PTPRT: variants seen among roughly 807,000 people sequenced by gnomAD.
PTPRT encodes the protein protein tyrosine phosphatase receptor type T, also known as receptor-type tyrosine-protein phosphatase T.
A neutral mutation model predicts 176.8 loss-of-function variants in PTPRT; 56 were observed. That is an observed-to-expected ratio of 0.32 (90% CI 0.26 to 0.40). The LOEUF (loss-of-function observed/expected upper bound fraction) is 0.40. PTPRT is among the 10% of genes least tolerant of loss of function. The pLI, the probability that PTPRT is intolerant of heterozygous loss-of-function variation, is 1.00. For missense variants in PTPRT, 1,540 were observed against 1,908.2 expected (o/e 0.81, Z 3.60); for synonymous variants, 783 against 739.0 (o/e 1.06, Z -0.96).
chr20:42,041,966 G>A, the PTPRT span, among the ~76,000 whole-genome samples: 1 of 152,048 alleles, frequency 6.6e-6, no homozygotes, highest in Admixed American at 6.6e-5. Context: ...AAGTATTTGG[G>A]GAGCTTCCTG....
At position 42,416,965 on chromosome 20, in the gene PTPRT, A is replaced by T. The variant is rs1469222373; in HGVS notation, c.1560+31255T>A. On this transcript the variant is annotated intron_variant, in intron 9 of 30. Coordinates refer to ENST00000373187, the MANE Select transcript of PTPRT (RefSeq NM_007050.6). ...TGTGGGTGTTTCTTCTTCCATTTAG[A>T]GTCTTAGAAATGCTATTATAATGGT... 2.0e-5 allele frequency among the ~76,000 whole-genome samples: 3 copies of T among 152,138 alleles called. No individual in the cohort carries two copies. In the South Asian group the frequency reaches 6.2e-4, roughly 32 times the overall value.
intron 11 of PTPRT, among the ~76,000 whole-genome samples, chr20:42,336,292 A>G (rs2058038737): frequency 6.6e-6 from 1 of 152,230 alleles, no homozygotes; most frequent in Non-Finnish European, 1.5e-5. Flanking sequence ...ACAAGTTACC[A>G]TCTATCATAG....
intron 9 of PTPRT, among the ~76,000 whole-genome samples, chr20:42,363,445 G>T (rs2058469163): frequency 6.7e-6 from 1 of 149,350 alleles, no homozygotes; most frequent in Non-Finnish European, 1.5e-5. Context: ...CGAGTAAGTG[G>T]GATTACAGGC....
intron 19 of PTPRT, among the ~76,000 whole-genome samples, chr20:42,126,354 C>G (rs1178132114): frequency 1.3e-5 from 2 of 152,122 alleles, no homozygotes; most frequent in Non-Finnish European, 2.9e-5. Flanking sequence ...AATTTCTGCT[C>G]CCTCCTCCCC....
Position 42,551,467 on chromosome 20 carries a change from T to C in PTPRT, c.1154-78905A>G, listed in dbSNP as rs2072769040. Among the ~76,000 whole-genome samples, 5 of 152,328 alleles carry C rather than the reference T, an allele frequency of 3.3e-5. No individual in the cohort carries two copies. In the South Asian group the frequency reaches 1.0e-3, roughly 32 times the overall value. On this transcript the variant is annotated intron_variant, in intron 7 of 30. Coordinates refer to ENST00000373187, the MANE Select transcript of PTPRT (RefSeq NM_007050.6). ...AGCATAATTGATGCTGCCTACACTA[T>C]TTTCTATAAAAATTTGAAATGGATG...
intron 6 of PTPRT, among the ~76,000 whole-genome samples, chr20:42,717,773 T>C (rs2076247332): frequency 6.6e-6 from 1 of 152,058 alleles, no homozygotes; most frequent in African/African-American, 2.4e-5. Context: ...TCAGATCTAG[T>C]AAATATAAAG....
intron 14 of PTPRT, among the ~76,000 whole-genome samples, chr20:42,237,332 C>A (rs1183640401): frequency 1.3e-5 from 2 of 152,172 alleles, no homozygotes; most frequent in Admixed American, 6.5e-5. Flanking sequence ...GGAGTTCCAA[C>A]CTTCAGTCTG....
rs550078149 is a variant in PTPRT at position 42,284,594 on chromosome 20, A to G, written c.2140-2069T>C. ...TGATATTCATCTGTTAATCAGAATCAGAACTAATTGCTAATATCCTAAACT... is the reference window on the plus strand; with the variant it reads ...TGATATTCATCTGTTAATCAGAATCGGAACTAATTGCTAATATCCTAAACT... On this transcript the variant is annotated intron_variant, in intron 12 of 30. Transcript: ENST00000373187. 3.3e-5 allele frequency among the ~76,000 whole-genome samples: 5 copies of G among 152,214 alleles called. No homozygotes were observed. The East Asian group carries it at 9.6e-4, about 29-fold the overall frequency.
chr20:42,201,950 C>CGTGTGTGTGCGT (rs1555800836), intron 15 of PTPRT, among the ~76,000 whole-genome samples: 3 of 143,116 alleles, frequency 2.1e-5, no homozygotes, highest in Non-Finnish European at 4.6e-5. Context: ...AGAAAAGTTG[C>CGTGTGTGTGCGT]GTGTGTGTGT....
At chr20:42,605,247 T>C (rs1034798165) in intron 7 of PTPRT, among the ~76,000 whole-genome samples, 3 of 152,170 alleles carry the variant, frequency 2.0e-5, no homozygotes, top group African/African-American at 4.8e-5. Flanking sequence ...AGCCACTTTC[T>C]GCTCAGGCCA....
At chr20:43,097,927 C>T (rs1485745798) in intron 1 of PTPRT, among the ~76,000 whole-genome samples, 1 of 152,140 alleles carries the variant, frequency 6.6e-6, no homozygotes, top group Non-Finnish European at 1.5e-5. Context: ...AATATGGATG[C>T]AAGATGCAAG....
intron 1 of PTPRT, among the ~76,000 whole-genome samples, chr20:42,942,288 A>T (rs1204608646): frequency 6.6e-6 from 1 of 152,228 alleles, no homozygotes; most frequent in Non-Finnish European, 1.5e-5. Context: ...GGCAACCAAC[A>T]GGAAAGGTAG....
At chr20:42,522,692 CT>C (rs1265270999) in intron 7 of PTPRT, among the ~76,000 whole-genome samples, 3 of 152,146 alleles carry the variant, frequency 2.0e-5, no homozygotes, top group Non-Finnish European at 4.4e-5. Flanking sequence ...AAACCCTGAC[CT>C]CAAATTATCT....
intron 7 of PTPRT, among the ~76,000 whole-genome samples, chr20:42,487,861 A>G (rs1293839463): frequency 6.6e-6 from 1 of 152,182 alleles, no homozygotes; most frequent in East Asian, 1.9e-4. Flanking sequence ...TTATTTCTGT[A>G]TGTTTATTGA....
At chr20:42,569,047 CAAAAAAAAAAAAAAAAAAA>C (rs869193461) in intron 7 of PTPRT, among the ~76,000 whole-genome samples, 1 of 20,444 alleles carries the variant, frequency 4.9e-5, no homozygotes, top group Non-Finnish European at 8.5e-5. Flanking sequence ...GACTCCATCT[CAAAAAAAAAAAAAAAAAAA>C]AAAAAAAAAA....
intron 8 of PTPRT, among the ~76,000 whole-genome samples, chr20:42,463,431 G>A (rs1412554075): frequency 6.6e-6 from 1 of 151,936 alleles, no homozygotes; most frequent in East Asian, 1.9e-4. Flanking sequence ...CACTAAAATT[G>A]CTAATTTTAA....
intron 1 of PTPRT, among the ~76,000 whole-genome samples, chr20:43,027,777 C>G (rs910950284): frequency 6.6e-6 from 1 of 152,170 alleles, no homozygotes; most frequent in South Asian, 2.1e-4. Flanking sequence ...AATGAATACA[C>G]TACCTACATG....
intron 7 of PTPRT, among the ~76,000 whole-genome samples, chr20:42,645,283 C>A (rs1569050010): frequency 6.6e-6 from 1 of 152,128 alleles, no homozygotes; most frequent in African/African-American, 2.4e-5. Flanking sequence ...AACTCTGGGT[C>A]GTGTGGAAGA....
At chr20:42,580,842 A>G (rs2073358070) in intron 7 of PTPRT, among the ~76,000 whole-genome samples, 2 of 152,182 alleles carry the variant, frequency 1.3e-5, no homozygotes, top group Admixed American at 6.5e-5. Context: ...CAATCATGTC[A>G]TCTGCAAACA....
Sources: gnomAD v4.1 joint callset for allele counts (sites outside exome capture counted in the v4.1 genomes callset) on GRCh38, gnomAD v4.1.1 for gene constraint, MANE v1.5 for transcripts, NCBI Gene and HGNC (gene_info 2026-07-23, HGNC 2026-07-21) for gene names.